ZNF521: variants seen among roughly 807,000 people sequenced by gnomAD.
ZNF521 encodes zinc finger protein 521.
Under a neutral mutation model 105.5 loss-of-function variants are expected in ZNF521, and 14 were observed. The observed-to-expected ratio is 0.13, with a 90% CI of 0.09 to 0.21. The LOEUF is 0.21. Among genes scored for constraint, ZNF521 ranks in the 10% least tolerant of loss-of-function variants. The pLI, the probability that ZNF521 is intolerant of heterozygous loss-of-function variation, is 1.00. For synonymous variants in ZNF521, 635 were observed against 606.0 expected, an observed-to-expected ratio of 1.05 and a Z score of -0.70; for missense variants, 1,233 against 1,629.7, an observed-to-expected ratio of 0.76 and a Z score of 4.19.
At chr18:25,156,823 C>T (rs796314556) in intron 5 of ZNF521, among the ~76,000 whole-genome samples, 1 of 152,160 alleles carries the variant, frequency 6.6e-6, no homozygotes, top group African/African-American at 2.4e-5. Context: ...AGTCTTAAAA[C>T]GTGAAGAGTT....
intron 2 of ZNF521, among the ~76,000 whole-genome samples, chr18:25,340,096 C>T (rs1914111475): frequency 6.6e-6 from 1 of 152,170 alleles, no homozygotes; most frequent in Non-Finnish European, 1.5e-5. Context: ...GTGGCTCACG[C>T]CTGTGATCCC....
intron 7 of ZNF521, among the ~76,000 whole-genome samples, chr18:25,085,326 C>T (rs1366966125): frequency 6.6e-6 from 1 of 151,410 alleles, no homozygotes; most frequent in Non-Finnish European, 1.5e-5. Flanking sequence ...AACATTTGGT[C>T]AGCAAGGTTT....
chr18:25,156,045 T>G (rs138407969), intron 5 of ZNF521, among the ~76,000 whole-genome samples: 1 of 152,202 alleles, frequency 6.6e-6, no homozygotes, highest in East Asian at 1.9e-4. Context: ...ATAAGGACTA[T>G]AGTTAGTGAT....
intron 5 of ZNF521, among the ~76,000 whole-genome samples, chr18:25,147,978 T>A (rs534761212): frequency 6.6e-6 from 1 of 152,280 alleles, no homozygotes; most frequent in South Asian, 2.1e-4. Flanking sequence ...CCCATCTCCA[T>A]GCAGCTTGCT....
intron 3 of ZNF521, chr18:25,315,924 T>A (rs1164316407): frequency 6.6e-6 from 1 of 152,188 alleles, no homozygotes; most frequent in Non-Finnish European, 1.5e-5. Context: ...CACATAGGCA[T>A]CAGCACATAG....
At chr18:25,290,760 G>A (rs8090075) in intron 3 of ZNF521, among the ~76,000 whole-genome samples, 5 of 151,706 alleles carry the variant, frequency 3.3e-5, no homozygotes, top group Non-Finnish European at 7.4e-5. Context: ...ACAGGTACCC[G>A]CCACCACACC....
At chr18:25,324,915 G>A (rs1913131363) in intron 2 of ZNF521, among the ~76,000 whole-genome samples, 1 of 152,110 alleles carries the variant, frequency 6.6e-6, no homozygotes, top group African/African-American at 2.4e-5. Context: ...TTAAAATGAG[G>A]GTCATTTTAA....
rs1255173238 is a variant in ZNF521 at position 25,226,378 on chromosome 18, A to G, written c.1540T>C (p.Phe514Leu). The G allele has an allele frequency of 1.2e-6, 2 of 1,614,170 alleles. No individual in the cohort carries two copies. The highest frequency in any genetic ancestry group is 2.2e-5 in the East Asian group (1 of 44,862). ...AACCCCATATAGCAATGGGGACAAA[A>G]GAATGCATTACTATCTTTAGCTGCA... ...NPAAKDSNAF[F>L]CPHCYMGFLT... Residue 514 changes from phenylalanine (F) to leucine (L), a missense_variant, in exon 4 of 8, where the codon TTT (phenylalanine) becomes CTT (leucine). By Grantham distance (22) the Phe-to-Leu change is conservative. This residue lies in a region of ZNF521 where 380 missense variants were observed against 478.0 expected (regional missense o/e 0.80). Coordinates refer to ENST00000361524, the MANE Select transcript of ZNF521 (RefSeq NM_015461.3). The surrounding 1 kb of genome is among the most constrained non-coding windows in gnomAD (Gnocchi z 4.1).
chr18:25,267,842 T>C (rs2144924846), intron 3 of ZNF521, among the ~76,000 whole-genome samples: 1 of 152,222 alleles, frequency 6.6e-6, no homozygotes, highest in East Asian at 1.9e-4. Flanking sequence ...ACAAAAAGCC[T>C]GAAAAATTCC....
At chr18:25,266,438 C>T (rs1909255446) in intron 3 of ZNF521, among the ~76,000 whole-genome samples, 1 of 152,194 alleles carries the variant, frequency 6.6e-6, no homozygotes, top group African/African-American at 2.4e-5. Flanking sequence ...TTTAAAAATA[C>T]TATAAATCGG....
At chr18:25,303,001 A>G (rs1200396225) in intron 3 of ZNF521, 2 of 152,272 alleles carry the variant, frequency 1.3e-5, no homozygotes, top group East Asian at 3.9e-4. Flanking sequence ...AAAATATGGG[A>G]CTTATGGGAA....
Position 25,123,155 on chromosome 18 carries a change from TTGTAAGTACAGATAATTATTAGA to T in ZNF521, c.3659-31097_3659-31075del, listed in dbSNP as rs2034477032. Among the ~76,000 whole-genome samples the T allele has an allele frequency of 7.2e-5, 11 of 151,796 alleles. No homozygotes were observed. The South Asian group carries it at 2.3e-3, about 32-fold the overall frequency. On this transcript the variant is annotated intron_variant, in intron 5 of 7. Transcript: ENST00000361524. ...ACAAATGACTCATTATATGAGTCATTTGTAAGTACAGATAATTATTAGAACAAAGAAGTAAGAGAAGCAAACAC... is the reference window on the plus strand; with the variant it reads ...ACAAATGACTCATTATATGAGTCATTACAAAGAAGTAAGAGAAGCAAACAC...
At chr18:25,162,016 G>A (rs926985710) in intron 5 of ZNF521, among the ~76,000 whole-genome samples, 1 of 152,114 alleles carries the variant, frequency 6.6e-6, no homozygotes, top group South Asian at 2.1e-4. Context: ...GTGGAGTACA[G>A]GACAGAAAAT....
rs1426345484 is a variant in ZNF521, at chr18:25,123,225, CA to C, written c.3659-31145del. ...ACACTGTTTTGTTTTGTTTTTGCCT[CA>C]AAGATTCACTTACAGACCACATCGT... On this transcript the variant is annotated intron_variant, in intron 5 of 7. Coordinates refer to ENST00000361524, the MANE Select transcript of ZNF521 (RefSeq NM_015461.3). 2.0e-5 allele frequency among the ~76,000 whole-genome samples: 3 copies of C among 151,726 alleles called. No individual in the cohort carries two copies. The East Asian group carries it at 5.8e-4, about 29-fold the overall frequency.
chr18:25,129,881 G>T (rs555252664), intron 5 of ZNF521, among the ~76,000 whole-genome samples: 1 of 152,146 alleles, frequency 6.6e-6, no homozygotes, highest in Non-Finnish European at 1.5e-5. Flanking sequence ...CCCATTTATT[G>T]TGGTGGGAAT....
At chr18:25,186,145 T>C (rs2035718480) in intron 5 of ZNF521, among the ~76,000 whole-genome samples, 1 of 152,136 alleles carries the variant, frequency 6.6e-6, no homozygotes, top group Admixed American at 6.5e-5. Context: ...GGCAATGTGT[T>C]ATGGGGAAAA....
intron 3 of ZNF521, among the ~76,000 whole-genome samples, chr18:25,308,193 C>CAA (rs756580169): frequency 0.033 from 1,032 of 31,076 alleles, 210 homozygotes; most frequent in East Asian, 0.18. Context: ...GACTGCATCT[C>CAA]AAAAAAAAAA....
At chr18:25,137,615 C>T (rs960370716) in intron 5 of ZNF521, among the ~76,000 whole-genome samples, 6 of 152,032 alleles carry the variant, frequency 3.9e-5, no homozygotes, top group Non-Finnish European at 4.4e-5. Flanking sequence ...AAATCAAGTC[C>T]GTCTTCTTCA....
At chr18:25,083,208 G>A (rs771802855) in intron 7 of ZNF521, among the ~76,000 whole-genome samples, 11 of 151,912 alleles carry the variant, frequency 7.2e-5, no homozygotes, top group Non-Finnish European at 1.5e-4. Flanking sequence ...TGTAGTTAGA[G>A]GTTAAAAACC....
Sources: allele counts gnomAD v4.1 joint callset (sites outside exome capture counted in the v4.1 genomes callset), GRCh38; gene constraint gnomAD v4.1.1; regional missense constraint gnomAD v4.1.1; non-coding constraint Gnocchi (gnomAD v3.1); transcripts MANE v1.5; gene names NCBI Gene and HGNC (gene_info 2026-07-23, HGNC 2026-07-21).